Variants in FAM227B observed in about 807,000 individuals in gnomAD.
The protein encoded by FAM227B is family with sequence similarity 227 member B.
A neutral mutation model predicts 73.8 loss-of-function variants in FAM227B; 88 were observed. The observed-to-expected ratio is 1.19, with a 90% CI of 1.00 to 1.42. The LOEUF (loss-of-function observed/expected upper bound fraction) is 1.42, where lower values mean the gene tolerates loss of function less well. Ranked by LOEUF, FAM227B falls within the 40% of genes most tolerant of loss-of-function variation. The probability of loss-of-function intolerance (pLI) is 0.00; values close to 1 mark genes in which losing one functional copy is unlikely to be tolerated. For synonymous variants in FAM227B, 210 were observed against 190.5 expected (o/e 1.10, Z -0.84); for missense variants, 632 against 590.9 (o/e 1.07, Z -0.72).
intron 13 of FAM227B, among the ~76,000 whole-genome samples, chr15:49,342,220 G>A (rs1197039466): frequency 1.3e-5 from 2 of 152,114 alleles, no homozygotes; most frequent in East Asian, 3.8e-4. Context: ...CCAATGCTGG[G>A]TGCATATATA....
intron 9 of FAM227B, among the ~76,000 whole-genome samples, chr15:49,545,862 T>C (rs558143742): frequency 2.0e-5 from 3 of 152,210 alleles, no homozygotes; most frequent in Admixed American, 1.3e-4. Flanking sequence ...GAGTACTTCA[T>C]ATAATTTTGA....
chr15:49,537,638 C>T (rs1215688644), intron 10 of FAM227B, among the ~76,000 whole-genome samples: 2 of 152,128 alleles, frequency 1.3e-5, no homozygotes, highest in African/African-American at 4.8e-5. Flanking sequence ...CAGCATTCCT[C>T]ACAATAGCCA....
chr15:49,431,609 T>G (rs894243947), intron 11 of FAM227B, among the ~76,000 whole-genome samples: 4 of 151,700 alleles, frequency 2.6e-5, no homozygotes, highest in Non-Finnish European at 5.9e-5. Context: ...CAGAAGAAAG[T>G]AATCTCTTCT....
At chr15:49,559,304 T>C (rs192168309) in intron 9 of FAM227B, among the ~76,000 whole-genome samples, 1 of 152,194 alleles carries the variant, frequency 6.6e-6, no homozygotes, top group Non-Finnish European at 1.5e-5. Context: ...ATTTGGGCAT[T>C]TGTGGGAAAG....
chr15:49,335,318 C>G (rs969427133), intron 14 of FAM227B, 101 bp downstream of exon 14: 4 of 719,766 alleles, frequency 5.6e-6, no homozygotes, highest in African/African-American at 1.8e-5. Flanking sequence ...AGACATGACT[C>G]TCCTCATCAT....
rs190677706 is a variant in FAM227B, at chr15:49,557,777, G to A, written c.747+10468C>T. Among the ~76,000 whole-genome samples, 301 of 152,324 alleles carry A rather than the reference G, an allele frequency of 2.0e-3. 1 individual carries two copies. Among genetic ancestry groups the A allele is most frequent in the African/African-American group, 6.9e-3 (288 of 41,558 alleles). On this transcript the variant is annotated intron_variant, in intron 9 of 15. Transcript: ENST00000299338. The stretch of plus-strand genomic sequence containing the variant: ...TGAGAGATATTCCTGACCCCCAGGA[G>A]CCTCCAGATTGAGATGGAGAGCCAC...
chr15:49,469,281 T>C (rs1316310993), intron 11 of FAM227B, among the ~76,000 whole-genome samples: 1 of 152,202 alleles, frequency 6.6e-6, no homozygotes, highest in Admixed American at 6.5e-5. Flanking sequence ...GAGATAATTA[T>C]ACCACTTATC....
intron 5 of FAM227B, among the ~76,000 whole-genome samples, chr15:49,587,427 G>A (rs1029452304): frequency 5.9e-5 from 9 of 152,030 alleles, no homozygotes; most frequent in East Asian, 1.9e-4. Flanking sequence ...CAGCAAACCC[G>A]CATGTCACAA....
Position 49,589,939 on chromosome 15 carries a change from T to A in FAM227B, c.174A>T (p.Lys58Asn), listed in dbSNP as rs757695289. The A allele has an allele frequency of 6.2e-7, 1 of 1,607,422 alleles. No individual in the cohort carries two copies. Among genetic ancestry groups the A allele is most frequent in the African/African-American group, 1.3e-5 (1 of 74,756 alleles). Reference sequence around the variant, plus strand: ...AAATTGAAACAAATGAACTATCTTCTTTTATTTTTTTCAGAGTGCATGACC... The same window carrying A: ...AAATTGAAACAAATGAACTATCTTCATTTATTTTTTTCAGAGTGCATGACC... ...DKWSCTLKKI[K>N]EDSSFVSIYT... is the part of the protein sequence containing the mutation. The change falls in exon 4 of 16, where the codon AAA (lysine) becomes AAT (asparagine). Residue 58 changes from lysine to asparagine, a missense_variant. Lys to Asn is a moderately conservative substitution (Grantham distance 94). Coordinates refer to ENST00000299338, the MANE Select transcript of FAM227B (RefSeq NM_152647.3).
At chr15:49,491,993 T>TA (rs1326954578) in intron 11 of FAM227B, among the ~76,000 whole-genome samples, 2 of 151,784 alleles carry the variant, frequency 1.3e-5, no homozygotes, top group Non-Finnish European at 2.9e-5. Context: ...AAATATATAA[T>TA]AAATTTTATA....
chr15:49,522,655 C>T (rs1335114467), intron 10 of FAM227B, among the ~76,000 whole-genome samples: 1 of 151,834 alleles, frequency 6.6e-6, no homozygotes, highest in African/African-American at 2.4e-5. Context: ...AAAGCTTTAA[C>T]AATAGACTAG....
intron 14 of FAM227B, among the ~76,000 whole-genome samples, chr15:49,332,087 CCACACACACACA>C (rs377139081): frequency 2.3e-5 from 3 of 127,854 alleles, no homozygotes; most frequent in African/African-American, 2.6e-5. Flanking sequence ...TGCACACGTG[CCACACACACACA>C]CACACACACA....
chr15:49,597,279 GACC>G (rs767637205), intron 3 of FAM227B, among the ~76,000 whole-genome samples: 13 of 151,896 alleles, frequency 8.6e-5, no homozygotes, highest in African/African-American at 1.2e-4. Context: ...TACTCTTTCA[GACC>G]ACAATTGAAT....
chr15:49,421,805 CATT>C (rs1165389986), intron 11 of FAM227B, among the ~76,000 whole-genome samples: 1 of 152,146 alleles, frequency 6.6e-6, no homozygotes, highest in Non-Finnish European at 1.5e-5. Context: ...AACACAATAA[CATT>C]ATATTTTCTT....
intron 11 of FAM227B, among the ~76,000 whole-genome samples, chr15:49,400,926 A>C (rs2048092191): frequency 6.6e-6 from 1 of 152,120 alleles, no homozygotes. Context: ...ATTACCATTC[A>C]GGACATAGGC....
intron 3 of FAM227B, among the ~76,000 whole-genome samples, chr15:49,607,847 T>C (rs1381395988): frequency 6.6e-6 from 1 of 152,184 alleles, no homozygotes; most frequent in African/African-American, 2.4e-5. Flanking sequence ...GTAGATCATA[T>C]CTTGTAGCAG....
At chr15:49,509,912 A>AT (rs1337288020) in intron 10 of FAM227B, among the ~76,000 whole-genome samples, 2 of 152,068 alleles carry the variant, frequency 1.3e-5, no homozygotes, top group African/African-American at 4.8e-5. Flanking sequence ...TTCATTTTTC[A>AT]TTTTATAAAA....
intron 10 of FAM227B, among the ~76,000 whole-genome samples, chr15:49,527,512 A>T (rs1446611580): frequency 6.6e-6 from 1 of 151,910 alleles, no homozygotes; most frequent in East Asian, 1.9e-4. Flanking sequence ...TGTCCAGAAA[A>T]CTCAGGCAAG....
rs750936716 is a variant in FAM227B at position 49,589,945 on chromosome 15, T to C, written c.168A>G (p.Lys56=). The change falls in exon 4 of 16, where the codon AAA becomes AAG. Residue 56 remains lysine, a synonymous_variant. Coordinates refer to ENST00000299338, the MANE Select transcript of FAM227B (RefSeq NM_152647.3). ...AAACAAATGAACTATCTTCTTTTAT[T>C]TTTTTCAGAGTGCATGACCATTTAT... ...DDDKWSCTLK[K]IKEDSSFVSI... 6.2e-7 allele frequency: 1 copy of C among 1,609,572 alleles called. No homozygotes were observed. The highest frequency in any genetic ancestry group is 1.3e-5 in the African/African-American group (1 of 74,826).
Sources: allele counts gnomAD v4.1 joint callset (sites outside exome capture counted in the v4.1 genomes callset), GRCh38; gene constraint gnomAD v4.1.1; transcripts MANE v1.5; gene names NCBI Gene and HGNC (gene_info 2026-07-23, HGNC 2026-07-21).